KYAT3: variants seen among roughly 807,000 people sequenced by gnomAD.
KYAT3 encodes kynurenine--oxoglutarate transaminase 3.
KYAT3 carries 50 observed loss-of-function variants against 59.0 expected under a neutral mutation model. The observed-to-expected ratio is 0.85, with a 90% confidence interval of 0.68 to 1.07. The LOEUF (loss-of-function observed/expected upper bound fraction) is 1.07, where lower values mean the gene tolerates loss of function less well. Among genes scored for constraint, KYAT3 ranks in the 50% least tolerant of loss-of-function variants. The pLI is 0.00. For synonymous variants in KYAT3, 148 were observed against 177.0 expected (o/e 0.84, Z 1.30); for missense variants, 497 against 533.3 (o/e 0.93, Z 0.67).
chr1:88,988,103 T>C (rs1295778064), intron 2 of KYAT3, 149 bp downstream of exon 2: 2 of 561,310 alleles, frequency 3.6e-6, no homozygotes, highest in African/African-American at 3.8e-5. Flanking sequence ...GAATGTCAAT[T>C]CTAGTCAATG....
chr1:88,924,375 G>T, the KYAT3 span, among the ~76,000 whole-genome samples: 1 of 152,168 alleles, frequency 6.6e-6, no homozygotes, highest in Non-Finnish European at 1.5e-5. Context: ...TCACACTCTT[G>T]CTGGGCTTCA....
chr1:88,937,269 G>A (rs1249736565), intron 13 of KYAT3, among the ~76,000 whole-genome samples: 1 of 152,168 alleles, frequency 6.6e-6, no homozygotes, highest in African/African-American at 2.4e-5. Context: ...GGGTGATAAA[G>A]CCCAGGTCGG....
At chr1:88,965,035 G>A (rs1676292620) in intron 4 of KYAT3, 57 bp from the exon 5 acceptor site, 16 of 1,307,368 alleles carry the variant, frequency 1.2e-5, no homozygotes, top group Non-Finnish European at 1.6e-5. Context: ...CCTACTGTTT[G>A]AGGTAATATG....
chr1:88,981,941 C>T, intron 2 of KYAT3: 2 of 981,658 alleles, frequency 2.0e-6, no homozygotes, highest in African/African-American at 3.5e-5. Context: ...AGAGTAAGAG[C>T]AAGCACCTTT....
intron 1 of KYAT3, among the ~76,000 whole-genome samples, chr1:88,988,957 C>A (rs1435172365): frequency 6.6e-6 from 1 of 152,190 alleles, no homozygotes; most frequent in East Asian, 1.9e-4. Flanking sequence ...TTCTGAATTG[C>A]TTCTCTACCT....
intron 2 of KYAT3, among the ~76,000 whole-genome samples, chr1:88,972,891 G>A (rs1302027369): frequency 2.0e-5 from 3 of 152,230 alleles, no homozygotes; most frequent in African/African-American, 7.2e-5. Flanking sequence ...GAGGTATAAT[G>A]AGATACGTGG....
chr1:88,948,689 T>C (rs1675543243), intron 11 of KYAT3, among the ~76,000 whole-genome samples: 2 of 152,228 alleles, frequency 1.3e-5, no homozygotes, highest in South Asian at 4.1e-4. Context: ...TGGCAAATAT[T>C]CCCTGATAGC....
chr1:88,992,104 G>A (rs1337393999), intron 1 of KYAT3, among the ~76,000 whole-genome samples: 1 of 150,746 alleles, frequency 6.6e-6, no homozygotes. Flanking sequence ...TCAGCCTCCC[G>A]AGTAGCTGGG....
Position 88,936,116 on chromosome 1 carries a change from G to T in KYAT3, c.*67C>A. 1.0e-6 allele frequency: 1 copy of T among 991,848 alleles called. No individual in the cohort carries two copies. The highest frequency in any genetic ancestry group is 1.6e-6 in the Non-Finnish European group (1 of 644,422). 61.4% of individuals were successfully genotyped at this position (991,848 alleles called of 1,614,324 possible). ...TGAAATACCTTTTAACATCCAGCAGGTGGCAGCACTAAGTAACAATTCCAT... is the reference window on the plus strand; with the variant it reads ...TGAAATACCTTTTAACATCCAGCAGTTGGCAGCACTAAGTAACAATTCCAT... On this transcript the variant is annotated 3_prime_UTR_variant, in exon 14 of 14. Coordinates refer to ENST00000260508, the MANE Select transcript of KYAT3 (RefSeq NM_001008661.3).
chr1:88,974,800 A>G (rs1676707076), intron 2 of KYAT3, among the ~76,000 whole-genome samples: 1 of 151,848 alleles, frequency 6.6e-6, no homozygotes, highest in African/African-American at 2.4e-5. Flanking sequence ...CCAAATCAGC[A>G]CTCTGTGTCT....
At chr1:88,957,856 A>T (rs1023563552) in intron 8 of KYAT3, among the ~76,000 whole-genome samples, 1 of 152,208 alleles carries the variant, frequency 6.6e-6, no homozygotes, top group Non-Finnish European at 1.5e-5. Flanking sequence ...TTCCACTGGG[A>T]AACAGTTCAA....
chr1:88,969,305 C>T (rs1676460764), intron 3 of KYAT3, 104 bp downstream of exon 3: 1 of 708,066 alleles, frequency 1.4e-6, no homozygotes, highest in East Asian at 2.6e-5. Flanking sequence ...TAAATGAGGA[C>T]CTTTATTTAT....
intron 2 of KYAT3, chr1:88,983,254 T>G (rs1677207151): frequency 6.2e-7 from 1 of 1,613,566 alleles, no homozygotes; most frequent in Non-Finnish European, 8.5e-7. Flanking sequence ...GAGGTGGACC[T>G]CCATAACTAT....
chr1:88,951,073 G>A (rs1022157756), intron 10 of KYAT3, among the ~76,000 whole-genome samples: 8 of 152,134 alleles, frequency 5.3e-5, no homozygotes, highest in African/African-American at 1.9e-4. Context: ...CCATGTGGCT[G>A]CTTAATCCCC....
rs76575312 is a variant in KYAT3, at chr1:88,973,798, T to C, written c.100-4331A>G. Among the ~76,000 whole-genome samples, 1,449 of 152,316 alleles carry C rather than the reference T, an allele frequency of 9.5e-3. 23 individuals are homozygous for C. The highest frequency in any genetic ancestry group is 0.033 in the African/African-American group (1,376 of 41,548). On this transcript the variant is annotated intron_variant, in intron 2 of 13. Transcript: ENST00000260508. ...GTTTGGACAGATCGAAAAAAACTAA[T>C]ACTGTATGTTGAACCCATGATCTTA...
chr1:88,922,741 T>C, the KYAT3 span, among the ~76,000 whole-genome samples: 1 of 152,190 alleles, frequency 6.6e-6, no homozygotes, highest in Non-Finnish European at 1.5e-5. Context: ...GCTCACCTAT[T>C]TCCTCCCATC....
chr1:88,938,787 T>A (rs1035610321), intron 13 of KYAT3, among the ~76,000 whole-genome samples: 1 of 152,230 alleles, frequency 6.6e-6, no homozygotes, highest in East Asian at 1.9e-4. Flanking sequence ...AATGACAGCA[T>A]TGATGGGCAT....
intron 2 of KYAT3, chr1:88,980,615 A>C (rs114799479): frequency 3.3e-4 from 50 of 152,658 alleles, no homozygotes; most frequent in African/African-American, 1.2e-3. Context: ...CTTTTTCCAC[A>C]CGTCTGCTAG....
intron 1 of KYAT3, among the ~76,000 whole-genome samples, chr1:88,991,586 C>A (rs527370625): frequency 2.0e-5 from 3 of 152,178 alleles, no homozygotes; most frequent in African/African-American, 7.2e-5. Flanking sequence ...TGGAAGGATG[C>A]GCTTCAAAGC....
Sources: gnomAD v4.1 joint callset for allele counts (sites outside exome capture counted in the v4.1 genomes callset) on GRCh38, gnomAD v4.1.1 for gene constraint, MANE v1.5 for transcripts, NCBI Gene and HGNC (gene_info 2026-07-23, HGNC 2026-07-21) for gene names.